Variants in SORCS1 observed in about 807,000 individuals in gnomAD.
The protein encoded by SORCS1 is VPS10 domain-containing receptor SorCS1.
A neutral mutation model predicts 146.1 loss-of-function variants in SORCS1; 60 were observed. That is an observed-to-expected ratio of 0.41 (90% CI 0.33 to 0.51). The LOEUF (loss-of-function observed/expected upper bound fraction) is 0.51. Ranked by LOEUF, SORCS1 falls within the 20% of genes least tolerant of loss-of-function variation. The pLI is 0.21. For synonymous variants in SORCS1, 637 were observed against 584.0 expected (o/e 1.09, Z -1.31); for missense variants, 1,352 against 1,487.6 (o/e 0.91, Z 1.50).
intron 2 of SORCS1, among the ~76,000 whole-genome samples, chr10:106,893,415 G>A (rs541955927): frequency 6.6e-6 from 1 of 151,834 alleles, no homozygotes; most frequent in Admixed American, 6.6e-5. Flanking sequence ...TTCCTTATTA[G>A]CCTATAAGCT....
At chr10:106,644,541 A>G (rs1849283405) in intron 18 of SORCS1, among the ~76,000 whole-genome samples, 1 of 151,800 alleles carries the variant, frequency 6.6e-6, no homozygotes, top group Non-Finnish European at 1.5e-5. Context: ...TAATTTCTGT[A>G]TTTTTAGTAG....
intron 6 of SORCS1, among the ~76,000 whole-genome samples, chr10:106,728,750 A>T (rs1212758020): frequency 6.6e-6 from 1 of 152,162 alleles, no homozygotes; most frequent in Non-Finnish European, 1.5e-5. Context: ...GTAGGCACAA[A>T]CGGCAGTGAT....
intron 10 of SORCS1, among the ~76,000 whole-genome samples, chr10:106,685,230 C>A (rs1195142455): frequency 6.6e-6 from 1 of 152,098 alleles, no homozygotes; most frequent in Non-Finnish European, 1.5e-5. Flanking sequence ...GTCACAACAC[C>A]TTTCGATGGA....
chr10:107,132,723 T>C (rs1286608922), intron 1 of SORCS1, among the ~76,000 whole-genome samples: 1 of 152,252 alleles, frequency 6.6e-6, no homozygotes, highest in Admixed American at 6.5e-5. Context: ...AAACAATCGA[T>C]GTGCTGATTG....
chr10:106,897,877 T>C (rs1486217577), intron 2 of SORCS1, among the ~76,000 whole-genome samples: 3 of 152,352 alleles, frequency 2.0e-5, no homozygotes, highest in Middle Eastern at 3.4e-3. Context: ...ATTCGGTGTC[T>C]AGGCATTTGC....
chr10:107,025,709 A>G (rs1958370295), intron 1 of SORCS1, among the ~76,000 whole-genome samples: 1 of 152,230 alleles, frequency 6.6e-6, no homozygotes, highest in African/African-American at 2.4e-5. Flanking sequence ...TGGTCAGGCA[A>G]AGGTTAACTT....
chr10:106,769,346 G>A (rs371718305), intron 4 of SORCS1, among the ~76,000 whole-genome samples: 6 of 151,996 alleles, frequency 3.9e-5, no homozygotes, highest in South Asian at 2.1e-4. Flanking sequence ...TTAGCCGGGC[G>A]TGGGGGCGGG....
intron 2 of SORCS1, among the ~76,000 whole-genome samples, chr10:106,938,827 T>C (rs1184287042): frequency 6.6e-6 from 1 of 152,170 alleles, no homozygotes; most frequent in Non-Finnish European, 1.5e-5. Context: ...AGGCCAGACC[T>C]CTATTAACAG....
At chr10:106,599,580 C>T (rs555178434) in intron 23 of SORCS1, among the ~76,000 whole-genome samples, 88 of 152,152 alleles carry the variant, frequency 5.8e-4, no homozygotes, top group South Asian at 1.2e-3. Context: ...CATACATGCA[C>T]ACACACAGAT....
At chr10:107,061,575 A>C (rs955362004) in intron 1 of SORCS1, among the ~76,000 whole-genome samples, 1 of 152,210 alleles carries the variant, frequency 6.6e-6, no homozygotes, top group Non-Finnish European at 1.5e-5. Flanking sequence ...TTAAGATGAT[A>C]GCAAAAGCTC....
At chr10:106,658,799 A>C (rs1850498970) in intron 17 of SORCS1, among the ~76,000 whole-genome samples, 1 of 152,204 alleles carries the variant, frequency 6.6e-6, no homozygotes, top group South Asian at 2.1e-4. Context: ...GGCATGGCTT[A>C]ACAATTAGGG....
In SORCS1 at chr10:106,577,002, T is replaced by C. The variant is rs539676559; in HGVS notation, c.*418A>G. The C allele has an allele frequency of 4.1e-5, 11 of 265,346 alleles. No homozygotes were observed. Among genetic ancestry groups the C allele is most frequent in the African/African-American group, 2.0e-4 (9 of 44,170 alleles). The allele number at this position is 265,346 out of a possible 1,614,324, so 16.4% of individuals were successfully genotyped here. The stretch of plus-strand genomic sequence containing the variant: ...AGAAGAAAGAGGGAGAGGGGAGTGT[T>C]TTCCATTAAAATAGAGCACCTGTAC... On this transcript the variant is annotated 3_prime_UTR_variant, in exon 26 of 26. Transcript: ENST00000263054.
chr10:107,107,216 G>T (rs1361922367), intron 1 of SORCS1, among the ~76,000 whole-genome samples: 2 of 152,186 alleles, frequency 1.3e-5, no homozygotes, highest in Non-Finnish European at 2.9e-5. Flanking sequence ...CTTTAAAAGT[G>T]ATTCTGGGTA....
In SORCS1 at chr10:106,877,320, T is replaced by C. The variant is rs76950268; in HGVS notation, c.627-47647A>G. Among the ~76,000 whole-genome samples, 249 of 152,268 alleles carry C rather than the reference T, an allele frequency of 1.6e-3. 2 individuals carry two copies. The highest frequency in any genetic ancestry group is 5.1e-3 in the African/African-American group (211 of 41,554). The stretch of plus-strand genomic sequence containing the variant: ...AAGTGGGAATGGGCACACTAGCTCA[T>C]GCCTGTATTCCTAGCAGTTTGGGAG... On this transcript the variant is annotated intron_variant, in intron 2 of 25. Coordinates refer to ENST00000263054, the MANE Select transcript of SORCS1 (RefSeq NM_052918.5).
Position 106,790,783 on chromosome 10 carries a change from C to T in SORCS1, c.727-14091G>A, listed in dbSNP as rs117012743. On this transcript the variant is annotated intron_variant, in intron 3 of 25. Coordinates refer to ENST00000263054, the MANE Select transcript of SORCS1 (RefSeq NM_052918.5). Reference sequence around the variant, plus strand: ...CGGACAGGTTTTTAAGCTACTTGTCCGATGTCTAGCTCTTGCTAGGTATGA... The same window carrying T: ...CGGACAGGTTTTTAAGCTACTTGTCTGATGTCTAGCTCTTGCTAGGTATGA... Among the ~76,000 whole-genome samples, 990 of 152,178 alleles carry T rather than the reference C, an allele frequency of 6.5e-3. 44 individuals are homozygous for T. In the East Asian group the frequency reaches 0.09, roughly 14 times the overall value.
At chr10:106,717,818 T>C (rs1363091926) in intron 6 of SORCS1, among the ~76,000 whole-genome samples, 2 of 152,184 alleles carry the variant, frequency 1.3e-5, no homozygotes, top group Non-Finnish European at 2.9e-5. Flanking sequence ...CATTCTAGGA[T>C]GAATGGAAGT....
chr10:106,753,529 C>CAG (rs555699118), intron 5 of SORCS1, among the ~76,000 whole-genome samples: 48 of 151,160 alleles, frequency 3.2e-4, no homozygotes, highest in African/African-American at 7.7e-4. Flanking sequence ...GAGTCAGAAT[C>CAG]AGAGAGAGAG....
chr10:106,941,042 G>C (rs990738593), intron 2 of SORCS1, among the ~76,000 whole-genome samples: 2 of 152,216 alleles, frequency 1.3e-5, no homozygotes, highest in South Asian at 4.1e-4. Flanking sequence ...GACCCTGTTC[G>C]GGTTACCTCC....
At chr10:107,178,396 C>T in the SORCS1 span, among the ~76,000 whole-genome samples, 1 of 152,008 alleles carries the variant, frequency 6.6e-6, no homozygotes, top group Middle Eastern at 3.2e-3. Context: ...ATTTGTCTTT[C>T]TGTGCCTGGC....
Sources: allele counts gnomAD v4.1 joint callset (sites outside exome capture counted in the v4.1 genomes callset), GRCh38; gene constraint gnomAD v4.1.1; transcripts MANE v1.5; gene names NCBI Gene and HGNC (gene_info 2026-07-23, HGNC 2026-07-21).